AMBN: variants seen among roughly 807,000 people sequenced by gnomAD.
AMBN encodes enamel matrix protein.
Under a neutral mutation model 48.0 loss-of-function variants are expected in AMBN, and 54 were observed. That is an observed-to-expected ratio of 1.12 (90% CI 0.90 to 1.41). AMBN has a LOEUF of 1.41. Among genes scored for constraint, AMBN ranks in the 40% most tolerant of loss-of-function variants. The probability of loss-of-function intolerance (pLI) is 0.00; values close to 1 mark genes in which losing one functional copy is unlikely to be tolerated. For missense variants in AMBN, 571 were observed against 547.3 expected, an observed-to-expected ratio of 1.04 and a Z score of -0.43; for synonymous variants, 186 against 190.0, an observed-to-expected ratio of 0.98 and a Z score of 0.17.
At chr4:70,605,196 G>A (rs1737614874) in intron 12 of AMBN, among the ~76,000 whole-genome samples, 1 of 152,120 alleles carries the variant, frequency 6.6e-6, no homozygotes, top group African/African-American at 2.4e-5. Context: ...TGTGAAAGCT[G>A]AGAGAGAATG....
chr4:70,603,753 C>A (rs1737580482), intron 11 of AMBN, 124 bp from the exon 12 acceptor site: 1 of 989,980 alleles, frequency 1.0e-6, no homozygotes, highest in Non-Finnish European at 1.5e-6. Flanking sequence ...CACCTCTCCA[C>A]TTTGCCTCTG....
chr4:70,593,405 T>A lies in AMBN; in HGVS notation c.84+10T>A, dbSNP rs773514948. Reference sequence around the variant, plus strand: ...GAGTTTTGCAGTGCCGGTAAGTCAGTCTTTAGAGTGTGTCCCAGAAAAGGT... The same window carrying A: ...GAGTTTTGCAGTGCCGGTAAGTCAGACTTTAGAGTGTGTCCCAGAAAAGGT... On this transcript the variant is annotated intron_variant, in intron 2 of 12. Coordinates refer to ENST00000322937, the MANE Select transcript of AMBN (RefSeq NM_016519.6). 2 of 1,603,802 alleles carry A rather than the reference T, an allele frequency of 1.2e-6. No individual in the cohort carries two copies. Among genetic ancestry groups the A allele is most frequent in the South Asian group, 1.1e-5 (1 of 90,772 alleles).
chr4:70,599,825 T>G (rs986131002), intron 5 of AMBN, among the ~76,000 whole-genome samples, 179 bp downstream of exon 5: 3 of 152,210 alleles, frequency 2.0e-5, no homozygotes, highest in African/African-American at 7.2e-5. Context: ...ATTTTTAAAT[T>G]TAAAACTATT....
chr4:70,594,756 A>G (rs72652262), intron 2 of AMBN, among the ~76,000 whole-genome samples: 5 of 152,200 alleles, frequency 3.3e-5, no homozygotes, highest in Non-Finnish European at 7.3e-5. Context: ...GTCATTCACT[A>G]TCAGTCTAAC....
At chr4:70,603,489 T>C (rs779975669) in intron 11 of AMBN, 29 bp downstream of exon 11, 4 of 1,593,454 alleles carry the variant, frequency 2.5e-6, no homozygotes, top group East Asian at 4.5e-5. Flanking sequence ...AAAAGTATTG[T>C]TTTTAATTAA....
At chr4:70,601,237 C>A (rs558376593) in intron 5 of AMBN, among the ~76,000 whole-genome samples, 181 bp from the exon 6 acceptor site, 2 of 152,246 alleles carry the variant, frequency 1.3e-5, no homozygotes, top group African/African-American at 4.8e-5. Context: ...GAGGCACACA[C>A]AAGACCTCCC....
At chr4:70,604,766 A>G (rs28585617) in intron 12 of AMBN, among the ~76,000 whole-genome samples, 14,561 of 150,630 alleles carry the variant, frequency 0.097, 795 homozygotes, top group East Asian at 0.15. Context: ...GCTGAAGCGG[A>G]TGGATCACCC....
At chr4:70,601,332 GC>G in intron 5 of AMBN, 85 bp from the exon 6 acceptor site, 1 of 1,336,314 alleles carries the variant, frequency 7.5e-7, no homozygotes, top group Non-Finnish European at 1.0e-6. Flanking sequence ...GATAGAAAGC[GC>G]CCCAAGCCCC....
intron 5 of AMBN, 96 bp from the exon 6 acceptor site, chr4:70,601,322 G>A: frequency 8.0e-7 from 1 of 1,243,302 alleles, no homozygotes. Context: ...CTCCCTTCCA[G>A]ATAGAAAGCG....
rs761020179 is a variant in AMBN, at chr4:70,599,651, G to T, written c.294+5G>T. Reference sequence around the variant, plus strand: ...AGAGAACATGAAACTCAACAGGTGAGTGAATAGCATCAATATGTTTGAAAC... The same window carrying T: ...AGAGAACATGAAACTCAACAGGTGATTGAATAGCATCAATATGTTTGAAAC... On this transcript the variant is annotated splice_donor_5th_base_variant and intron_variant, in intron 5 of 12. Coordinates refer to ENST00000322937, the MANE Select transcript of AMBN (RefSeq NM_016519.6). 5.7e-6 allele frequency: 9 copies of T among 1,590,054 alleles called. No homozygotes were observed. In the Admixed American group the frequency reaches 1.5e-4, roughly 27 times the overall value.
chr4:70,597,533 G>A (rs1203915387), intron 3 of AMBN, among the ~76,000 whole-genome samples: 1 of 151,982 alleles, frequency 6.6e-6, no homozygotes, highest in Admixed American at 6.6e-5. Flanking sequence ...TCTTATTGCA[G>A]TTCTCATGTA....
intron 5 of AMBN, among the ~76,000 whole-genome samples, chr4:70,600,573 G>A (rs909675424): frequency 6.6e-6 from 1 of 152,146 alleles, no homozygotes; most frequent in East Asian, 1.9e-4. Context: ...GCTCAGAGAG[G>A]GGTGATGGCT....
In AMBN at chr4:70,592,315, A is replaced by G. The variant is rs768972542; in HGVS notation, c.-44A>G. 1 of 1,611,518 alleles carries G rather than the reference A, an allele frequency of 6.2e-7. No individual in the cohort carries two copies. Among genetic ancestry groups the G allele is most frequent in the Non-Finnish European group, 8.5e-7 (1 of 1,177,922 alleles). ...AAAAAAATTTTAATCTTCTTTTCTT[A>G]GAACTATCTTGGTTGGCATCATCAG... On this transcript the variant is annotated 5_prime_UTR_variant, in exon 1 of 13. Coordinates refer to ENST00000322937, the MANE Select transcript of AMBN (RefSeq NM_016519.6).
intron 12 of AMBN, among the ~76,000 whole-genome samples, chr4:70,605,535 G>A (rs1451558536): frequency 6.6e-6 from 1 of 152,112 alleles, no homozygotes; most frequent in Non-Finnish European, 1.5e-5. Context: ...AAGAAACATG[G>A]TCAGTGCTGG....
intron 3 of AMBN, among the ~76,000 whole-genome samples, chr4:70,597,498 C>T (rs1043431999): frequency 6.6e-6 from 1 of 151,868 alleles, no homozygotes; most frequent in Non-Finnish European, 1.5e-5. Context: ...ATGATACTTC[C>T]TGCATAAGTT....
chr4:70,597,436 T>A (rs573981632), intron 3 of AMBN, among the ~76,000 whole-genome samples: 1 of 152,220 alleles, frequency 6.6e-6, no homozygotes, highest in East Asian at 1.9e-4. Context: ...ATTTTGTACC[T>A]GTACAAAATT....
In AMBN at chr4:70,598,323, G is replaced by A. The variant is rs368599894; in HGVS notation, c.136-33G>A. The A allele has an allele frequency of 2.1e-5, 32 of 1,531,864 alleles. No individual in the cohort carries two copies. In the African/African-American group the frequency reaches 2.2e-4, roughly 11 times the overall value. The allele number at this position is 1,531,864 out of a possible 1,614,324, so 94.9% of individuals were successfully genotyped here. A position where few individuals can be genotyped will look rare whatever the true frequency, so the allele number is the denominator to read the frequency against. On this transcript the variant is annotated intron_variant, in intron 3 of 12. Coordinates refer to ENST00000322937, the MANE Select transcript of AMBN (RefSeq NM_016519.6). Reference sequence around the variant, plus strand: ...CAGTTGTGTCAAACACAGCATATGCGATAAACAGTAACCCACTTTTTTTTC... The same window carrying A: ...CAGTTGTGTCAAACACAGCATATGCAATAAACAGTAACCCACTTTTTTTTC...
At chr4:70,593,119 A>AT (rs1423428705) in intron 1 of AMBN, among the ~76,000 whole-genome samples, 3 of 152,110 alleles carry the variant, frequency 2.0e-5, no homozygotes, top group Non-Finnish European at 2.9e-5. Context: ...GTGCTTAGAT[A>AT]TTTTTTAATT....
chr4:70,593,807 G>A (rs1737329429), intron 2 of AMBN, among the ~76,000 whole-genome samples: 1 of 150,558 alleles, frequency 6.6e-6, no homozygotes, highest in South Asian at 2.1e-4. Context: ...GGAGGTTGCA[G>A]TAAGCCAAGA....
Sources: gnomAD v4.1 joint callset for allele counts (sites outside exome capture counted in the v4.1 genomes callset) on GRCh38, gnomAD v4.1.1 for gene constraint, MANE v1.5 for transcripts, NCBI Gene and HGNC (gene_info 2026-07-23, HGNC 2026-07-21) for gene names.